Variants in SEMA3A observed in about 807,000 individuals in gnomAD.
SEMA3A encodes semaphorin 3A.
A neutral mutation model predicts 97.9 loss-of-function variants in SEMA3A; 29 were observed. The observed-to-expected ratio is 0.30, with a 90% CI of 0.22 to 0.40. The LOEUF is 0.40. Among genes scored for constraint, SEMA3A ranks in the 10% least tolerant of loss-of-function variants. The pLI is 1.00. For synonymous variants in SEMA3A, 321 were observed against 323.7 expected (o/e 0.99, Z 0.09); for missense variants, 763 against 951.3 (o/e 0.80, Z 2.60).
At chr7:84,274,716 G>T (rs1418862842) in intron 3 of SEMA3A, among the ~76,000 whole-genome samples, 2 of 151,912 alleles carry the variant, frequency 1.3e-5, no homozygotes, top group East Asian at 3.9e-4. Context: ...CATGTGATAA[G>T]CAGGGTGATC....
chr7:84,349,166 TTTTGTCTGAAAATCTATTA>T (rs1458066431), intron 2 of SEMA3A, among the ~76,000 whole-genome samples: 1 of 152,168 alleles, frequency 6.6e-6, no homozygotes, highest in Non-Finnish European at 1.5e-5. Flanking sequence ...TCTATTCATT[TTTTGTCTGAAAATCTATTA>T]ATTGCCCCTG....
chr7:84,123,315 G>A (rs34482271), intron 3 of SEMA3A, among the ~76,000 whole-genome samples: 3 of 152,006 alleles, frequency 2.0e-5, no homozygotes, highest in African/African-American at 2.4e-5. Flanking sequence ...CAGGTATCTC[G>A]ACTGTATTTA....
intron 6 of SEMA3A, among the ~76,000 whole-genome samples, chr7:84,019,835 C>T (rs1264803550): frequency 6.6e-6 from 1 of 151,998 alleles, no homozygotes; most frequent in Non-Finnish European, 1.5e-5. Context: ...CTTCTTGTGG[C>T]TTTTCTGACT....
intron 3 of SEMA3A, among the ~76,000 whole-genome samples, chr7:84,296,893 A>G (rs1000785774): frequency 2.9e-4 from 44 of 152,336 alleles, no homozygotes; most frequent in African/African-American, 1.0e-3. Flanking sequence ...AAAGGTTTAA[A>G]ACCACTTCAA....
intron 3 of SEMA3A, among the ~76,000 whole-genome samples, chr7:84,215,190 T>C (rs1798719668): frequency 6.6e-6 from 1 of 151,638 alleles, no homozygotes; most frequent in Admixed American, 6.6e-5. Context: ...TTTATTTATT[T>C]ATTTATTTTT....
At chr7:84,332,075 G>T (rs1481378260) in intron 2 of SEMA3A, among the ~76,000 whole-genome samples, 1 of 152,012 alleles carries the variant, frequency 6.6e-6, no homozygotes, top group Admixed American at 6.6e-5. Context: ...TTCCTCTTTA[G>T]TTAAGTTACT....
chr7:84,136,288 T>G (rs772165285), intron 1 of SEMA3A, among the ~76,000 whole-genome samples: 4 of 152,214 alleles, frequency 2.6e-5, no homozygotes, highest in Non-Finnish European at 5.9e-5. Flanking sequence ...ATTAGCCATG[T>G]GATTGATTGC....
chr7:83,966,839 G>C (rs929450480), intron 15 of SEMA3A, among the ~76,000 whole-genome samples: 18 of 151,990 alleles, frequency 1.2e-4, no homozygotes, highest in African/African-American at 4.1e-4. Flanking sequence ...AGACTCCCTA[G>C]TAGCTGGGAT....
chr7:84,168,633 A>G (rs1584072980), intron 1 of SEMA3A, among the ~76,000 whole-genome samples: 1 of 152,006 alleles, frequency 6.6e-6, no homozygotes, highest in East Asian at 1.9e-4. Context: ...CAACCTAGAG[A>G]GAAATAAATG....
At chr7:84,064,854 A>G (rs1331576144) in intron 4 of SEMA3A, among the ~76,000 whole-genome samples, 1 of 151,928 alleles carries the variant, frequency 6.6e-6, no homozygotes, top group African/African-American at 2.4e-5. Flanking sequence ...AACATTAGAC[A>G]GATCAACGAG....
intron 15 of SEMA3A, among the ~76,000 whole-genome samples, chr7:83,969,234 T>C (rs1788829171): frequency 6.6e-6 from 1 of 152,184 alleles, no homozygotes; most frequent in Admixed American, 6.5e-5. Context: ...TTATGATAGA[T>C]TCAACTGCTA....
chr7:83,968,070 C>T (rs770817847), intron 15 of SEMA3A, among the ~76,000 whole-genome samples: 5 of 152,154 alleles, frequency 3.3e-5, no homozygotes, highest in Non-Finnish European at 7.3e-5. Context: ...CACAGTATAG[C>T]TCTACTCTAG....
At chr7:84,086,674 T>C (rs980209857) in intron 4 of SEMA3A, among the ~76,000 whole-genome samples, 4 of 146,902 alleles carry the variant, frequency 2.7e-5, no homozygotes, top group African/African-American at 1.0e-4. Flanking sequence ...TATATATGTA[T>C]ATATATGGAA....
At chr7:84,011,791 T>C (rs376033902) in intron 7 of SEMA3A, among the ~76,000 whole-genome samples, 1 of 152,184 alleles carries the variant, frequency 6.6e-6, no homozygotes, top group Non-Finnish European at 1.5e-5. Flanking sequence ...TTTGAGGTGA[T>C]GGGTGTGTTA....
intron 1 of SEMA3A, among the ~76,000 whole-genome samples, chr7:84,482,278 TTCTC>T (rs1806467035): frequency 6.6e-6 from 1 of 152,184 alleles, no homozygotes; most frequent in Admixed American, 6.5e-5. Flanking sequence ...TTTTGGATAA[TTCTC>T]TATCATAAAA....
intron 2 of SEMA3A, among the ~76,000 whole-genome samples, chr7:84,132,662 GTTTTTTTTTTTTTT>G (rs55830654): frequency 2.3e-5 from 2 of 86,632 alleles, no homozygotes; most frequent in Non-Finnish European, 4.4e-5. Context: ...TCGACTTGGT[GTTTTTTTTTTTTTT>G]TTTTTTTTTT....
chr7:84,033,003 T>C (rs1315687386), intron 6 of SEMA3A, among the ~76,000 whole-genome samples: 1 of 152,070 alleles, frequency 6.6e-6, no homozygotes, highest in Non-Finnish European at 1.5e-5. Flanking sequence ...TCCTTGTTTT[T>C]CTTTACTGAG....
rs565922132 is a variant in SEMA3A at position 84,456,117 on chromosome 7, C to A, written c.-246+36343G>T. 2.6e-5 allele frequency among the ~76,000 whole-genome samples: 4 copies of A among 151,844 alleles called. No homozygotes were observed. The South Asian group carries it at 8.3e-4, about 32-fold the overall frequency. On this transcript the variant is annotated intron_variant, in intron 1 of 3. Transcript: ENST00000424555. Reference sequence around the variant, plus strand: ...AAGTAAGGATGTCTGAGATGATATTCTAAATTATTTCATGCGCTTCACAAC... The same window carrying A: ...AAGTAAGGATGTCTGAGATGATATTATAAATTATTTCATGCGCTTCACAAC...
At chr7:84,265,012 C>T (rs1160166055) in intron 3 of SEMA3A, among the ~76,000 whole-genome samples, 1 of 152,146 alleles carries the variant, frequency 6.6e-6, no homozygotes, top group Non-Finnish European at 1.5e-5. Context: ...CTACCAATAG[C>T]ACTACCAATA....
Sources: allele counts gnomAD v4.1 joint callset (sites outside exome capture counted in the v4.1 genomes callset), GRCh38; gene constraint gnomAD v4.1.1; transcripts MANE v1.5; gene names NCBI Gene and HGNC (gene_info 2026-07-23, HGNC 2026-07-21).